GSK3B: variants seen among roughly 807,000 people sequenced by gnomAD.
GSK3B encodes glycogen synthase kinase-3 beta.
A neutral mutation model predicts 56.4 loss-of-function variants in GSK3B; 15 were observed. That is an observed-to-expected ratio of 0.27 (90% CI 0.18 to 0.41). The LOEUF is 0.41. GSK3B is among the 10% of genes least tolerant of loss of function. GSK3B has a pLI of 1.00. For missense variants in GSK3B, 300 were observed against 513.4 expected (o/e 0.58, Z 4.02); for synonymous variants, 181 against 188.9 (o/e 0.96, Z 0.34).
intron 7 of GSK3B, among the ~76,000 whole-genome samples, chr3:119,887,342 G>GA (rs1437135622): frequency 1.3e-5 from 2 of 151,610 alleles, no homozygotes; most frequent in East Asian, 1.9e-4. Flanking sequence ...TATAAGAAGA[G>GA]AAAAAATCAA....
intron 10 of GSK3B, among the ~76,000 whole-genome samples, chr3:119,827,679 C>T (rs2055536180): frequency 6.8e-6 from 1 of 147,352 alleles, no homozygotes; most frequent in Admixed American, 6.8e-5. Context: ...TTTGCAACAA[C>T]ATGGATGGAA....
chr3:119,877,546 G>C (rs2056328689), intron 7 of GSK3B, among the ~76,000 whole-genome samples: 1 of 152,128 alleles, frequency 6.6e-6, no homozygotes, highest in African/African-American at 2.4e-5. Flanking sequence ...GGAACCTGTA[G>C]ATATGGAGGG....
intron 3 of GSK3B, among the ~76,000 whole-genome samples, chr3:119,933,921 G>A (rs1241105420): frequency 6.6e-6 from 1 of 152,038 alleles, no homozygotes. Flanking sequence ...AAACAAACAA[G>A]AAGCACAGGA....
At chr3:120,029,571 A>G (rs1050415751) in intron 1 of GSK3B, 4 of 594,512 alleles carry the variant, frequency 6.7e-6, no homozygotes, top group African/African-American at 3.7e-5. Context: ...CACCATCATG[A>G]TGGTCTTTGC....
At chr3:119,959,789 T>C (rs369049943) in intron 2 of GSK3B, among the ~76,000 whole-genome samples, 5 of 152,030 alleles carry the variant, frequency 3.3e-5, no homozygotes, top group African/African-American at 4.8e-5. Flanking sequence ...AGTGCTATTA[T>C]TAGCAATAAC....
chr3:120,049,793 C>A (rs549806489), intron 1 of GSK3B, among the ~76,000 whole-genome samples: 50 of 152,176 alleles, frequency 3.3e-4, no homozygotes, highest in African/African-American at 1.1e-3. Flanking sequence ...CTGTAAAAGG[C>A]CCGACAGTAA....
chr3:119,905,983 G>A lies in GSK3B; in HGVS notation c.716-131C>T, dbSNP rs984709287. ...GGAAAAGATTATACAATCCAAAACA[G>A]AGAAAAAGTCATCAAACTTCCTTAA... On this transcript the variant is annotated intron_variant, in intron 6 of 10. Coordinates refer to ENST00000264235, the MANE Select transcript of GSK3B (RefSeq NM_001146156.2). 2.0e-5 allele frequency: 12 copies of A among 600,906 alleles called. No individual in the cohort carries two copies. The African/African-American group carries it at 2.0e-4, about 10-fold the overall frequency. The allele number at this position is 600,906 out of a possible 1,614,324, so 37.2% of individuals were successfully genotyped here.
In GSK3B at chr3:119,940,110, T is replaced by TGTGTGTGTG. The variant is rs572334273; in HGVS notation, c.366+7157_366+7158insCACACACAC. Among the ~76,000 whole-genome samples, 132 of 149,050 alleles carry TGTGTGTGTG rather than the reference T, an allele frequency of 8.9e-4. 2 individuals are homozygous for TGTGTGTGTG. Among genetic ancestry groups the TGTGTGTGTG allele is most frequent in the African/African-American group, 2.8e-3 (113 of 40,866 alleles). On this transcript the variant is annotated intron_variant, in intron 3 of 10. Transcript: ENST00000264235. ...CAGTAACAAAAGTGTGTGTGTGTGT[T>TGTGTGTGTG]TGTGTGTGTGTGTGTGTGTGTGTAT...
rs2058362579 is a variant in GSK3B at position 120,075,755 on chromosome 3, T to G, written c.88+17592A>C. Among the ~76,000 whole-genome samples the G allele has an allele frequency of 3.9e-5, 6 of 152,232 alleles. No individual in the cohort carries two copies. The South Asian group carries it at 1.2e-3, about 32-fold the overall frequency. On this transcript the variant is annotated intron_variant, in intron 1 of 10. Coordinates refer to ENST00000264235, the MANE Select transcript of GSK3B (RefSeq NM_001146156.2). ...GAGGACACAAATAAATGGAAAGAAT[T>G]CCATGCTCATGGATCAAAAGAATAT...
At chr3:119,889,323 T>C (rs956076933) in intron 7 of GSK3B, among the ~76,000 whole-genome samples, 2 of 152,132 alleles carry the variant, frequency 1.3e-5, no homozygotes, top group South Asian at 2.1e-4. Flanking sequence ...AAAAAACCTA[T>C]GTTGAAATAT....
rs573135236 is a variant in GSK3B at position 120,036,909 on chromosome 3, A to G, written c.89-34670T>C. 2.0e-5 allele frequency among the ~76,000 whole-genome samples: 3 copies of G among 152,296 alleles called. No individual in the cohort carries two copies. In the South Asian group the frequency reaches 6.2e-4, roughly 32 times the overall value. ...ATAAAAGTTTTAGAATCAATGTCAGACAAATTTACAAGTTCCCAAACATAG... is the reference window on the plus strand; with the variant it reads ...ATAAAAGTTTTAGAATCAATGTCAGGCAAATTTACAAGTTCCCAAACATAG... On this transcript the variant is annotated intron_variant, in intron 1 of 10. Coordinates refer to ENST00000264235, the MANE Select transcript of GSK3B (RefSeq NM_001146156.2).
intron 8 of GSK3B, among the ~76,000 whole-genome samples, chr3:119,867,190 A>G (rs919609056): frequency 3.9e-5 from 6 of 152,214 alleles, no homozygotes; most frequent in African/African-American, 1.4e-4. Context: ...TTATATTACT[A>G]TAGATTTCAA....
Position 119,981,558 on chromosome 3 carries a change from G to A in GSK3B, c.282+20488C>T, listed in dbSNP as rs138072334. ...GATGATTCTCTCCCGTGCCTGGCTC[G>A]GCGGGTCCCACGCCCACGGAGCCTT... On this transcript the variant is annotated intron_variant, in intron 2 of 10. Transcript: ENST00000264235. Among the ~76,000 whole-genome samples, 173 of 152,378 alleles carry A rather than the reference G, an allele frequency of 1.1e-3. No homozygotes were observed. The East Asian group carries it at 0.025, about 22-fold the overall frequency.
chr3:120,087,046 G>A (rs1224562318), intron 1 of GSK3B, among the ~76,000 whole-genome samples: 1 of 152,048 alleles, frequency 6.6e-6, no homozygotes, highest in East Asian at 1.9e-4. Context: ...TAATAACAAG[G>A]AACCGTTAAT....
intron 2 of GSK3B, among the ~76,000 whole-genome samples, chr3:119,993,918 C>T (rs2057590292): frequency 6.6e-6 from 1 of 152,156 alleles, no homozygotes; most frequent in Non-Finnish European, 1.5e-5. Flanking sequence ...CTTGCTCTGT[C>T]ACCCAGGCTG....
chr3:120,085,570 C>T (rs2058456702), intron 1 of GSK3B, among the ~76,000 whole-genome samples: 1 of 152,154 alleles, frequency 6.6e-6, no homozygotes, highest in Non-Finnish European at 1.5e-5. Context: ...GAGGCTGAGG[C>T]CAGCAGATTG....
At chr3:119,929,336 C>T (rs577320814) in intron 3 of GSK3B, among the ~76,000 whole-genome samples, 122 of 152,272 alleles carry the variant, frequency 8.0e-4, no homozygotes, top group Non-Finnish European at 1.5e-3. Flanking sequence ...TTAACTATTA[C>T]TCAATCACAA....
chr3:120,072,901 A>G (rs964546287), intron 1 of GSK3B, among the ~76,000 whole-genome samples: 2 of 152,136 alleles, frequency 1.3e-5, no homozygotes, highest in Non-Finnish European at 2.9e-5. Context: ...TGAACGCAAA[A>G]TTGGTGCCTT....
intron 10 of GSK3B, among the ~76,000 whole-genome samples, chr3:119,831,682 G>A (rs1266484648): frequency 6.6e-6 from 1 of 151,812 alleles, no homozygotes; most frequent in Non-Finnish European, 1.5e-5. Flanking sequence ...TAAGAGAAGA[G>A]TGAGTTTATG....
Sources: allele counts gnomAD v4.1 joint callset (sites outside exome capture counted in the v4.1 genomes callset), GRCh38; gene constraint gnomAD v4.1.1; transcripts MANE v1.5; gene names NCBI Gene and HGNC (gene_info 2026-07-23, HGNC 2026-07-21).